Variants in WDR25 observed in about 807,000 individuals in gnomAD.
The protein encoded by WDR25 is WD repeat domain 25, also known as WD repeat-containing protein 25.
WDR25 carries 35 observed loss-of-function variants against 47.7 expected under a neutral mutation model. That is an observed-to-expected ratio of 0.73 (90% CI 0.56 to 0.97). The LOEUF is 0.97. Ranked by LOEUF, WDR25 falls within the 50% of genes least tolerant of loss-of-function variation. The probability of loss-of-function intolerance (pLI) is 0.00; values close to 1 mark genes in which losing one functional copy is unlikely to be tolerated. For missense variants in WDR25, 634 were observed against 704.7 expected, an observed-to-expected ratio of 0.90 and a Z score of 1.14; for synonymous variants, 248 against 278.9, an observed-to-expected ratio of 0.89 and a Z score of 1.10.
At chr14:100,519,925 CTATA>C (rs1259246420) in intron 4 of WDR25, among the ~76,000 whole-genome samples, 1 of 136,420 alleles carries the variant, frequency 7.3e-6, no homozygotes. Context: ...AGTATATATA[CTATA>C]TATACACTAT....
At chr14:100,508,338 G>A (rs1451039670) in intron 4 of WDR25, among the ~76,000 whole-genome samples, 1 of 152,122 alleles carries the variant, frequency 6.6e-6, no homozygotes, top group Non-Finnish European at 1.5e-5. Context: ...GCAAAAACTG[G>A]AAGCATTCCC....
In WDR25 at chr14:100,468,340, C is replaced by G. The variant is rs565627567; in HGVS notation, c.970+172C>G. On this transcript the variant is annotated intron_variant, in intron 3 of 6. Coordinates refer to ENST00000402312, the MANE Select transcript of WDR25 (RefSeq NM_001161476.3). This position sits in a 1 kb window ranked among gnomAD's most constrained non-coding sequence, Gnocchi z 4.5. ...CTTCCAGACTGCTTGCCCATTGGAA[C>G]TGCGACTCCCCACAGAGGATGGGCC... is the stretch of plus-strand genomic sequence containing the variant. Among the ~76,000 whole-genome samples, 2 of 152,324 alleles carry G rather than the reference C, an allele frequency of 1.3e-5. No individual in the cohort carries two copies. Among genetic ancestry groups the G allele is most frequent in the East Asian group, 3.9e-4 (2 of 5,176 alleles).
intron 3 of WDR25, among the ~76,000 whole-genome samples, chr14:100,481,538 CTG>C (rs1468944927): frequency 6.6e-6 from 1 of 150,674 alleles, no homozygotes; most frequent in Non-Finnish European, 1.5e-5. Context: ...GAGGCTTTGA[CTG>C]TCTCGGGTGT....
At chr14:100,482,177 C>T (rs145866730) in intron 3 of WDR25, among the ~76,000 whole-genome samples, 107 of 152,000 alleles carry the variant, frequency 7.0e-4, no homozygotes, top group African/African-American at 2.4e-3. Context: ...GAAACTTTGT[C>T]GGCTTTGATA....
In WDR25 at chr14:100,440,115, C is replaced by T. The variant is rs1898624287; in HGVS notation, c.823-27906C>T. Among the ~76,000 whole-genome samples, 1 of 152,220 alleles carries T rather than the reference C, an allele frequency of 6.6e-6. No homozygotes were observed. The highest frequency in any genetic ancestry group is 2.4e-5 in the African/African-American group (1 of 41,456). ...ACTCTCTGATAAAGATAGAACACTT[C>T]ATTTAGGCACATTTCAGGATTTCAG... On this transcript the variant is annotated intron_variant, in intron 2 of 6. Transcript: ENST00000402312. The surrounding 1 kb of genome is among the most constrained non-coding windows in gnomAD (Gnocchi z 4.4).
intron 4 of WDR25, among the ~76,000 whole-genome samples, chr14:100,515,742 C>G (rs2140371181): frequency 6.6e-6 from 1 of 151,356 alleles, no homozygotes; most frequent in Non-Finnish European, 1.5e-5. Context: ...AATTTTGCCT[C>G]AGCATCCTTA....
At chr14:100,398,297 C>G (rs187429657) in intron 2 of WDR25, among the ~76,000 whole-genome samples, 1 of 152,186 alleles carries the variant, frequency 6.6e-6, no homozygotes, top group Admixed American at 6.5e-5. Flanking sequence ...ACTGCTAACA[C>G]GCTGGAGTTT....
At chr14:100,514,136 C>T (rs1901410751) in intron 4 of WDR25, among the ~76,000 whole-genome samples, 1 of 151,122 alleles carries the variant, frequency 6.6e-6, no homozygotes, top group South Asian at 2.1e-4. Context: ...TGGGGTTTCA[C>T]CGTGTTAGCC....
chr14:100,473,863 C>A (rs563539559), intron 3 of WDR25, among the ~76,000 whole-genome samples: 1 of 152,176 alleles, frequency 6.6e-6, no homozygotes, highest in African/African-American at 2.4e-5. Flanking sequence ...GCTGGAGTTT[C>A]GCTAGCGTAG....
At position 100,460,457 on chromosome 14, in the gene WDR25, A is replaced by G. The variant is rs144248414; in HGVS notation, c.823-7564A>G. On this transcript the variant is annotated intron_variant, in intron 2 of 6. Transcript: ENST00000402312. ...AATTTTAGCAAATCAATCCAACTAC[A>G]TATATGTGCATATCATGACCAAGGA... 3.2e-4 allele frequency among the ~76,000 whole-genome samples: 49 copies of G among 152,288 alleles called. 1 individual carries two copies. The East Asian group carries it at 7.7e-3, about 24-fold the overall frequency.
Position 100,380,969 on chromosome 14 carries a change from T to A in WDR25, c.45T>A (p.Tyr15Ter), listed in dbSNP as rs1165087451. The change falls in exon 2 of 7, where the codon TAT (tyrosine) becomes TAA (stop). Residue 15 changes from tyrosine to a stop codon, truncating the protein, a stop_gained. Coordinates refer to ENST00000402312, the MANE Select transcript of WDR25 (RefSeq NM_001161476.3). LOFTEE classifies it high-confidence loss of function. ...TLSLMASLVA[Y>*]DDSDSEAETE... The stretch of plus-strand genomic sequence containing the variant: ...CTTTAATGGCTTCATTGGTAGCGTA[T>A]GATGATTCGGACTCGGAGGCTGAGA... 17 of 1,614,116 alleles carry A rather than the reference T, an allele frequency of 1.1e-5. No individual in the cohort carries two copies. The highest frequency in any genetic ancestry group is 1.4e-5 in the Non-Finnish European group (16 of 1,180,048).
intron 2 of WDR25, among the ~76,000 whole-genome samples, chr14:100,417,510 T>C (rs1897902266): frequency 1.3e-5 from 2 of 152,174 alleles, no homozygotes; most frequent in South Asian, 4.1e-4. Flanking sequence ...CCAGGCTGGT[T>C]GCTCCAGCCA....
At chr14:100,442,770 GA>G (rs563099470) in intron 2 of WDR25, among the ~76,000 whole-genome samples, 2 of 151,932 alleles carry the variant, frequency 1.3e-5, no homozygotes, top group South Asian at 4.2e-4. Context: ...GATATTGCAG[GA>G]AAAAAAACAT....
intron 2 of WDR25, among the ~76,000 whole-genome samples, chr14:100,382,953 A>G (rs1896939560): frequency 6.6e-6 from 1 of 152,246 alleles, no homozygotes; most frequent in Admixed American, 6.5e-5. Flanking sequence ...CGCTCAGTAA[A>G]TGGTGGTTCC....
At position 100,408,761 on chromosome 14, in the gene WDR25, C is replaced by T. The variant is rs79534081; in HGVS notation, c.822+27015C>T. Among the ~76,000 whole-genome samples the T allele has an allele frequency of 2.1e-3, 315 of 152,230 alleles. 1 individual carries two copies. Among genetic ancestry groups the T allele is most frequent in the East Asian group, 6.9e-3 (36 of 5,188 alleles). On this transcript the variant is annotated intron_variant, in intron 2 of 6. Coordinates refer to ENST00000402312, the MANE Select transcript of WDR25 (RefSeq NM_001161476.3). ...ACGCCAGAAGAGTACGCAGACCTTCCGGCTCATCTTTTCTGTGCCTTGGGT... is the reference window on the plus strand; with the variant it reads ...ACGCCAGAAGAGTACGCAGACCTTCTGGCTCATCTTTTCTGTGCCTTGGGT...
rs763088176 is a variant in WDR25, at chr14:100,484,021, A to G, written c.998A>G (p.Asp333Gly). 14 of 1,613,500 alleles carry G rather than the reference A, an allele frequency of 8.7e-6. No individual in the cohort carries two copies. The highest frequency in any genetic ancestry group is 1.2e-5 in the Non-Finnish European group (14 of 1,179,840). The change falls in exon 4 of 7, where the codon GAC becomes GGC. Residue 333 changes from aspartate (D) to glycine (G), a missense_variant. Coordinates refer to ENST00000402312, the MANE Select transcript of WDR25 (RefSeq NM_001161476.3). Reference protein sequence around the residue: ...TGTQLFSGRSDFRITTLKFHP... With the variant: ...TGTQLFSGRSGFRITTLKFHP... ...ACCCAGCTATTTAGTGGTCGAAGTG[A>G]CTTTAGAATCACTACCTTGAAATTC... is the stretch of plus-strand genomic sequence containing the variant.
intron 2 of WDR25, among the ~76,000 whole-genome samples, chr14:100,394,477 C>G (rs1257914244): frequency 6.6e-6 from 1 of 152,224 alleles, no homozygotes; most frequent in Non-Finnish European, 1.5e-5. Context: ...CAGGGCTGTT[C>G]CTCACTTCTT....
chr14:100,409,223 G>A (rs548807431), intron 2 of WDR25, among the ~76,000 whole-genome samples: 13 of 152,314 alleles, frequency 8.5e-5, no homozygotes, highest in Middle Eastern at 3.4e-3. Flanking sequence ...CCAGTGATCC[G>A]GCTCCAGCCT....
chr14:100,454,685 G>C, intron 2 of WDR25: 2 of 345,642 alleles, frequency 5.8e-6, no homozygotes, highest in South Asian at 4.6e-5. Flanking sequence ...GTCTGTGCCA[G>C]ACAGGCTGCT....
Sources: allele counts gnomAD v4.1 joint callset (sites outside exome capture counted in the v4.1 genomes callset), GRCh38; gene constraint gnomAD v4.1.1; non-coding constraint Gnocchi (gnomAD v3.1); transcripts MANE v1.5; gene names NCBI Gene and HGNC (gene_info 2026-07-23, HGNC 2026-07-21).